The following LIN7A variants were observed in gnomAD, a reference collection of about 807,000 sequenced individuals.
LIN7A encodes the protein lin-7 cell polarity scaffold A.
A neutral mutation model predicts 29.8 loss-of-function variants in LIN7A; 25 were observed. That is an observed-to-expected ratio of 0.84 (90% CI 0.61 to 1.17). The LOEUF (loss-of-function observed/expected upper bound fraction) is 1.17, where lower values mean the gene tolerates loss of function less well. Among genes scored for constraint, LIN7A ranks in the 50% most tolerant of loss-of-function variants. The pLI is 0.00. For synonymous variants in LIN7A, 118 were observed against 107.5 expected, an observed-to-expected ratio of 1.10 and a Z score of -0.60; for missense variants, 239 against 287.0, an observed-to-expected ratio of 0.83 and a Z score of 1.21.
At chr12:80,845,970 G>A in intron 3 of LIN7A, 31 bp from the exon 4 acceptor site, 3 of 1,556,434 alleles carry the variant, frequency 1.9e-6, no homozygotes, top group Non-Finnish European at 1.7e-6. Flanking sequence ...TGGTCTTTTG[G>A]TAATAAAATG....
intron 4 of LIN7A, among the ~76,000 whole-genome samples, chr12:80,820,542 T>C (rs1871748927): frequency 6.6e-6 from 1 of 151,946 alleles, no homozygotes; most frequent in Admixed American, 6.6e-5. Context: ...TACATCCTGG[T>C]GGTAATGCTT....
chr12:80,914,221 G>A (rs969843174), intron 1 of LIN7A, among the ~76,000 whole-genome samples: 3 of 152,006 alleles, frequency 2.0e-5, no homozygotes, highest in African/African-American at 4.8e-5. Flanking sequence ...AAGAATGATC[G>A]GGTTCCGTGA....
chr12:80,927,935 T>C (rs111324875), intron 1 of LIN7A, among the ~76,000 whole-genome samples: 3 of 152,054 alleles, frequency 2.0e-5, no homozygotes, highest in African/African-American at 7.2e-5. Context: ...TCAATTCCCA[T>C]CTATGAGTGA....
chr12:80,889,373 A>G lies in LIN7A; in HGVS notation c.83-4T>C, dbSNP rs750999336. 6.8e-7 allele frequency: 1 copy of G among 1,466,048 alleles called. No homozygotes were observed. The highest frequency in any genetic ancestry group is 1.7e-5 in the Admixed American group (1 of 58,994). The allele number at this position is 1,466,048 out of a possible 1,614,324, so 90.8% of individuals were successfully genotyped here. On this transcript the variant is annotated splice_region_variant and splice_polypyrimidine_tract_variant and intron_variant, in intron 1 of 5. Coordinates refer to ENST00000552864, the MANE Select transcript of LIN7A (RefSeq NM_004664.4). ...AATTCAATTGCTCTTGCAACATCTG[A>G]ATGAAAAAAAATGAAAATAGAGAAA...
At position 80,796,518 on chromosome 12, in the gene LIN7A, G is replaced by A. The variant is rs1296228862; in HGVS notation, c.*1209C>T. The A allele has an allele frequency of 2.0e-5, 3 of 151,984 alleles. No individual in the cohort carries two copies. The highest frequency in any genetic ancestry group is 2.9e-5 in the Non-Finnish European group (2 of 67,986). The allele number at this position is 151,984 out of a possible 1,614,324, so 9.4% of individuals were successfully genotyped here. On this transcript the variant is annotated 3_prime_UTR_variant, in exon 6 of 6. Transcript: ENST00000552864. ...TATTTACCTATGGGAATATATTAAA[G>A]TTGGTGATTTTATTTTATTTTTCTA...
chr12:80,853,389 C>T (rs1464595541), intron 2 of LIN7A, among the ~76,000 whole-genome samples: 2 of 151,150 alleles, frequency 1.3e-5, no homozygotes, highest in Admixed American at 1.3e-4. Flanking sequence ...AAAGACAAGC[C>T]AACTGGCAGA....
chr12:80,850,331 G>T (rs1206460329), intron 2 of LIN7A, among the ~76,000 whole-genome samples: 4 of 152,126 alleles, frequency 2.6e-5, no homozygotes, highest in Non-Finnish European at 4.4e-5. Context: ...CTGTTATGAG[G>T]ATTAAATAAG....
chr12:80,918,721 C>T (rs1230738454), intron 1 of LIN7A, among the ~76,000 whole-genome samples: 2 of 152,116 alleles, frequency 1.3e-5, no homozygotes, highest in Non-Finnish European at 2.9e-5. Flanking sequence ...CTCAGTCTAC[C>T]ATATTAGAGA....
chr12:80,853,766 G>A (rs188259300), intron 2 of LIN7A, among the ~76,000 whole-genome samples: 434 of 152,052 alleles, frequency 2.9e-3, no homozygotes, highest in African/African-American at 9.6e-3. Flanking sequence ...GCACTATCTC[G>A]TCTCACTGTA....
At chr12:80,874,723 C>G (rs1389280649) in intron 2 of LIN7A, among the ~76,000 whole-genome samples, 1 of 152,158 alleles carries the variant, frequency 6.6e-6, no homozygotes, top group Non-Finnish European at 1.5e-5. Flanking sequence ...GTGGCTCACG[C>G]CTGTAATCCC....
chr12:80,896,612 A>C (rs1305970036), intron 1 of LIN7A, among the ~76,000 whole-genome samples: 1 of 152,232 alleles, frequency 6.6e-6, no homozygotes, highest in Non-Finnish European at 1.5e-5. Flanking sequence ...AATGCAGACT[A>C]ATTGGCAAAC....
chr12:80,870,545 GTTC>G (rs1443380829), intron 2 of LIN7A, among the ~76,000 whole-genome samples: 2 of 152,148 alleles, frequency 1.3e-5, no homozygotes, highest in Non-Finnish European at 2.9e-5. Context: ...CATCACTTCC[GTTC>G]TTCTTATAAC....
At chr12:80,878,122 A>C (rs762543130) in intron 2 of LIN7A, among the ~76,000 whole-genome samples, 3 of 152,190 alleles carry the variant, frequency 2.0e-5, no homozygotes, top group Non-Finnish European at 2.9e-5. Flanking sequence ...CAATAATGAC[A>C]CTAACAGCCT....
At chr12:80,894,594 A>C (rs547068000) in intron 1 of LIN7A, among the ~76,000 whole-genome samples, 2 of 152,338 alleles carry the variant, frequency 1.3e-5, no homozygotes, top group Non-Finnish European at 2.9e-5. Context: ...GTGAAACCAC[A>C]GAAAGCAAAA....
intron 3 of LIN7A, chr12:80,848,047 T>C (rs1592891488): frequency 8.9e-6 from 6 of 671,106 alleles, no homozygotes; most frequent in East Asian, 8.6e-5. Flanking sequence ...CATTCTCCTT[T>C]CTTAAGCTAC....
intron 4 of LIN7A, among the ~76,000 whole-genome samples, chr12:80,838,682 G>T (rs1268085206): frequency 1.3e-5 from 2 of 152,172 alleles, no homozygotes; most frequent in African/African-American, 2.4e-5. Flanking sequence ...TTCTGAGAAA[G>T]GTAAAGCATC....
At chr12:80,919,474 A>G (rs538780512) in intron 1 of LIN7A, among the ~76,000 whole-genome samples, 26 of 152,340 alleles carry the variant, frequency 1.7e-4, no homozygotes, top group Admixed American at 4.6e-4. Context: ...AGGGATGAGT[A>G]TATAACCTTT....
At chr12:80,826,104 CA>C (rs1872066168) in intron 4 of LIN7A, among the ~76,000 whole-genome samples, 2 of 151,936 alleles carry the variant, frequency 1.3e-5, no homozygotes, top group Non-Finnish European at 2.9e-5. Flanking sequence ...TGCTTTCTTG[CA>C]GGAGAAGTCA....
chr12:80,863,306 G>C (rs914409144), intron 2 of LIN7A, among the ~76,000 whole-genome samples: 4 of 152,170 alleles, frequency 2.6e-5, no homozygotes, highest in African/African-American at 9.7e-5. Context: ...CTAGATAATT[G>C]ATATAGAGGC....
Sources: gnomAD v4.1 joint callset for allele counts (sites outside exome capture counted in the v4.1 genomes callset) on GRCh38, gnomAD v4.1.1 for gene constraint, MANE v1.5 for transcripts, NCBI Gene and HGNC (gene_info 2026-07-23, HGNC 2026-07-21) for gene names.